The following PP2D1 variants were observed in gnomAD, a reference collection of about 807,000 sequenced individuals.
PP2D1 encodes protein phosphatase 2C like domain containing 1, also known as protein phosphatase 2C-like domain-containing protein 1.
Under a neutral mutation model 30.2 loss-of-function variants are expected in PP2D1, and 25 were observed. The observed-to-expected ratio is 0.83, with a 90% CI of 0.60 to 1.16. The LOEUF is 1.16. PP2D1 is among the 50% of genes most tolerant of loss of function. The pLI, the probability that PP2D1 is intolerant of heterozygous loss-of-function variation, is 0.00. For synonymous variants in PP2D1, 260 were observed against 258.9 expected (o/e 1.00, Z -0.04); for missense variants, 760 against 742.4 (o/e 1.02, Z -0.28).
In PP2D1 at chr3:19,997,174, T is replaced by C. The variant is rs1697191357; in HGVS notation, c.1090+3856A>G. 3.4e-5 allele frequency among the ~76,000 whole-genome samples: 5 copies of C among 149,086 alleles called. No individual in the cohort carries two copies. In the South Asian group the frequency reaches 1.1e-3, roughly 32 times the overall value. ...TGGGTTCTGATAGATGTTTGAGTCA[T>C]GGGGAGCAGATCCCACTACTGAGTA... On this transcript the variant is annotated intron_variant, in intron 2 of 2. Transcript: ENST00000389050.
chr3:19,981,568 C>T (rs1454343598), downstream of PP2D1, among the ~76,000 whole-genome samples: 2 of 151,668 alleles, frequency 1.3e-5, no homozygotes, highest in Admixed American at 6.6e-5. Context: ...GAGCTGAGAT[C>T]GTGCCACTGC....
chr3:19,986,292 C>T (rs1697033798), intron 2 of PP2D1, 110 bp from the exon 3 acceptor site: 1 of 756,076 alleles, frequency 1.3e-6, no homozygotes, highest in African/African-American at 1.8e-5. Flanking sequence ...AAACAGAAAG[C>T]AGGCTATGTA....
intron 1 of PP2D1, among the ~76,000 whole-genome samples, chr3:20,006,813 G>A (rs1178381192): frequency 6.6e-6 from 1 of 151,896 alleles, no homozygotes; most frequent in East Asian, 1.9e-4. Context: ...GTCTTGCTCT[G>A]TCGCCCAGGC....
intron 2 of PP2D1, among the ~76,000 whole-genome samples, chr3:19,988,160 A>G (rs533639511): frequency 1.3e-5 from 2 of 152,332 alleles, no homozygotes; most frequent in East Asian, 3.9e-4. Flanking sequence ...TGTTCAGGGA[A>G]CAAGGGAGAT....
downstream of PP2D1, chr3:19,984,252 A>C (rs1011333515): frequency 7.0e-6 from 3 of 428,422 alleles, no homozygotes; most frequent in African/African-American, 6.3e-5. Flanking sequence ...GTTATTTATG[A>C]TGCTTAGCCA....
At chr3:19,984,260 C>G (rs1324611972), downstream of PP2D1, 4 of 429,434 alleles carry the variant, frequency 9.3e-6, no homozygotes, top group African/African-American at 4.2e-5. Context: ...TGATGCTTAG[C>G]CATAGTATTC....
At chr3:19,994,471 A>G (rs1310179559) in intron 2 of PP2D1, among the ~76,000 whole-genome samples, 2 of 152,344 alleles carry the variant, frequency 1.3e-5, no homozygotes, top group South Asian at 4.1e-4. Context: ...TCTCTGCAAA[A>G]CAAAGAATGT....
chr3:19,980,471 T>C (rs145248260), downstream of PP2D1, among the ~76,000 whole-genome samples: 635 of 151,936 alleles, frequency 4.2e-3, 25 homozygotes, highest in Admixed American at 0.038. Flanking sequence ...TTTTTTGTTA[T>C]GAAGGAACAC....
chr3:19,990,253 C>T (rs1383049034), intron 2 of PP2D1, among the ~76,000 whole-genome samples: 1 of 152,058 alleles, frequency 6.6e-6, no homozygotes, highest in Non-Finnish European at 1.5e-5. Flanking sequence ...TCAGGTGATC[C>T]TCCCACCTCA....
At chr3:20,007,968 T>C (rs1697341679) in intron 1 of PP2D1, 4 of 222,014 alleles carry the variant, frequency 1.8e-5, no homozygotes, top group Admixed American at 1.7e-4. Flanking sequence ...CTTAACTCGA[T>C]AGCCAGATCT....
intron 2 of PP2D1, among the ~76,000 whole-genome samples, chr3:19,997,468 T>A (rs564842215): frequency 2.0e-5 from 3 of 151,972 alleles, no homozygotes; most frequent in Non-Finnish European, 4.4e-5. Context: ...TTATCAACAA[T>A]GTTGGAGATG....
rs902925375 is a variant in PP2D1, at chr3:19,985,392, C to G, written c.1881G>C (p.Gln627His). The G allele has an allele frequency of 1.3e-6, 2 of 1,526,466 alleles. No individual in the cohort carries two copies. The highest frequency in any genetic ancestry group is 2.5e-5 in the East Asian group (1 of 40,786). 94.6% of individuals were successfully genotyped at this position (1,526,466 alleles called of 1,614,324 possible). The change falls in exon 3 of 3, where the codon CAG becomes CAC. Residue 627 changes from glutamine (Q) to histidine (H), a missense_variant. Physicochemically the swap from Gln to His is conservative, Grantham distance 24. Around this residue, in one of 3 missense-constraint regions of PP2D1, gnomAD observed 369 missense variants for 316.2 expected, o/e 1.17. Coordinates refer to ENST00000389050, the MANE Select transcript of PP2D1 (RefSeq NM_001252657.2). ...MVIFLNGSEY[Q>H]LLT is the part of the protein sequence containing the mutation. ...GAACTTTATTTTTTTATGTCAGAAG[C>G]TGATATTCACTTCCATTGAGAAATA...
At position 19,985,506 on chromosome 3, in the gene PP2D1, G is replaced by A; in HGVS notation, c.1767C>T (p.Phe589=). The stretch of plus-strand genomic sequence containing the variant: ...TAACATACTCAGCTGCGCCTTCATA[G>A]AAACTCTTAGTGTCTGATTCTTTTT... ...TNEKESDTKS[F]YEGAAEYVSH... The change falls in exon 3 of 3, where the codon TTC becomes TTT. Residue 589 remains phenylalanine (F), a synonymous_variant. Transcript: ENST00000389050. 1 of 1,536,048 alleles carries A rather than the reference G, an allele frequency of 6.5e-7. No homozygotes were observed. The highest frequency in any genetic ancestry group is 8.7e-7 in the Non-Finnish European group (1 of 1,146,868).
intron 2 of PP2D1, among the ~76,000 whole-genome samples, chr3:19,994,891 A>T (rs1279974609): frequency 1.3e-5 from 2 of 152,256 alleles, no homozygotes; most frequent in East Asian, 3.8e-4. Context: ...CAACACTGGG[A>T]AAAGAAACAT....
At chr3:19,986,967 G>GT (rs1419432727) in intron 2 of PP2D1, among the ~76,000 whole-genome samples, 1 of 151,694 alleles carries the variant, frequency 6.6e-6, no homozygotes, top group African/African-American at 2.4e-5. Flanking sequence ...AACCCGGGAG[G>GT]TGGAGGTTGT....
At chr3:19,989,697 G>A (rs993865366) in intron 2 of PP2D1, among the ~76,000 whole-genome samples, 4 of 152,282 alleles carry the variant, frequency 2.6e-5, no homozygotes, top group African/African-American at 9.6e-5. Flanking sequence ...ATATGGTTCA[G>A]TACCTCTTAA....
Position 20,001,319 on chromosome 3 carries a change from A to G in PP2D1, c.801T>C (p.Ser267=). 6.5e-7 allele frequency: 1 copy of G among 1,535,424 alleles called. No individual in the cohort carries two copies. Among genetic ancestry groups the G allele is most frequent in the Non-Finnish European group, 8.7e-7 (1 of 1,146,358 alleles). Reference sequence around the variant, plus strand: ...TCACTGCTTCTGTTTTGTTTATGGCAGAAAAGAGGTCTTCTATTGCTGCGT... The same window carrying G: ...TCACTGCTTCTGTTTTGTTTATGGCGGAAAAGAGGTCTTCTATTGCTGCGT... The part of the protein sequence containing the change: ...EEYAAIEDLF[S]AINKTEAVRC... Residue 267 remains serine (S), a synonymous_variant, in exon 2 of 3, where the codon TCT becomes TCC. Transcript: ENST00000389050.
chr3:19,983,843 T>G (rs371215758), downstream of PP2D1: 2 of 1,457,072 alleles, frequency 1.4e-6, no homozygotes, highest in Non-Finnish European at 1.9e-6. Flanking sequence ...TTGAACTAGC[T>G]GGAATAGTCT....
intron 2 of PP2D1, among the ~76,000 whole-genome samples, chr3:19,998,586 T>C (rs1697212045): frequency 6.6e-6 from 1 of 152,198 alleles, no homozygotes; most frequent in Non-Finnish European, 1.5e-5. Context: ...ATAATTATTA[T>C]GTATCAATAA....
Sources: gnomAD v4.1 joint callset for allele counts (sites outside exome capture counted in the v4.1 genomes callset) on GRCh38, gnomAD v4.1.1 for gene constraint, gnomAD v4.1.1 regional missense constraint, MANE v1.5 for transcripts, NCBI Gene and HGNC (gene_info 2026-07-23, HGNC 2026-07-21) for gene names.